The following WASF2 variants were observed in gnomAD, a reference collection of about 807,000 sequenced individuals.
WASF2 encodes WASP family member 2.
Under a neutral mutation model 45.0 loss-of-function variants are expected in WASF2, and 14 were observed. That is an observed-to-expected ratio of 0.31 (90% CI 0.21 to 0.49). The LOEUF (loss-of-function observed/expected upper bound fraction) is 0.49, where lower values mean the gene tolerates loss of function less well. Ranked by LOEUF, WASF2 falls within the 20% of genes least tolerant of loss-of-function variation. The pLI, the probability that WASF2 is intolerant of heterozygous loss-of-function variation, is 0.99. For synonymous variants in WASF2, 200 were observed against 236.3 expected (o/e 0.85, Z 1.41); for missense variants, 439 against 636.1 (o/e 0.69, Z 3.33).
chr1:27,437,158 T>C (rs780677960), intron 1 of WASF2, among the ~76,000 whole-genome samples: 29 of 152,238 alleles, frequency 1.9e-4, no homozygotes, highest in Non-Finnish European at 4.0e-4. Flanking sequence ...GGTCTAATCA[T>C]AGTTTCGTTC....
At chr1:27,462,124 C>A (rs1330358436) in intron 1 of WASF2, among the ~76,000 whole-genome samples, 2 of 151,894 alleles carry the variant, frequency 1.3e-5, no homozygotes, top group Non-Finnish European at 2.9e-5. Context: ...ACTAAAGGCA[C>A]ATGCCACCGT....
At chr1:27,463,231 A>G (rs1027272659) in intron 1 of WASF2, among the ~76,000 whole-genome samples, 5 of 152,220 alleles carry the variant, frequency 3.3e-5, no homozygotes, top group Admixed American at 6.5e-5. Flanking sequence ...AAATCTGTAA[A>G]ATATATTGTG....
At chr1:27,465,038 A>G (rs914330635) in intron 1 of WASF2, among the ~76,000 whole-genome samples, 1 of 152,202 alleles carries the variant, frequency 6.6e-6, no homozygotes, top group African/African-American at 2.4e-5. Flanking sequence ...CGAAAGCAGC[A>G]GGAGAAAAAC....
At position 27,411,106 on chromosome 1, in the gene WASF2, T is replaced by C. The variant is rs759805451; in HGVS notation, c.825-900A>G. On this transcript the variant is annotated intron_variant, in intron 7 of 8. Coordinates refer to ENST00000618852, the MANE Select transcript of WASF2 (RefSeq NM_006990.5). ...GAAGCAGAAGGAGATTTGGGATTAA[T>C]GGTTTCTAGGGCCAAGAAGAATGAG... 3.9e-4 allele frequency among the ~76,000 whole-genome samples: 60 copies of C among 152,200 alleles called. 1 individual carries two copies. Among genetic ancestry groups the C allele is most frequent in the African/African-American group, 9.6e-5 (4 of 41,460 alleles).
chr1:27,477,696 G>A (rs928811304), intron 1 of WASF2, among the ~76,000 whole-genome samples: 2 of 139,282 alleles, frequency 1.4e-5, no homozygotes, highest in East Asian at 2.4e-4. Context: ...TCAGGAGATC[G>A]AGACCATCCC....
chr1:27,479,592 CG>C, intron 1 of WASF2, among the ~76,000 whole-genome samples: 1 of 152,152 alleles, frequency 6.6e-6, no homozygotes, highest in East Asian at 1.9e-4. Context: ...TGGCCTGGCA[CG>C]GTGGCTCACG....
At chr1:27,428,286 T>C (rs1335831929) in intron 2 of WASF2, among the ~76,000 whole-genome samples, 1 of 152,228 alleles carries the variant, frequency 6.6e-6, no homozygotes, top group Non-Finnish European at 1.5e-5. Context: ...ATGTTTGCTT[T>C]ACTCCTCTTT....
chr1:27,463,755 T>C (rs2017579213), intron 1 of WASF2, among the ~76,000 whole-genome samples: 1 of 151,444 alleles, frequency 6.6e-6, no homozygotes, highest in South Asian at 2.1e-4. Context: ...GCTGTCCTGC[T>C]TCTGATCATT....
chr1:27,450,256 A>G (rs1279968138), intron 1 of WASF2, among the ~76,000 whole-genome samples: 1 of 152,252 alleles, frequency 6.6e-6, no homozygotes, highest in African/African-American at 2.4e-5. Context: ...TAAAGAGAGA[A>G]AAATGATAGT....
chr1:27,456,316 T>TGAA (rs1491398791), intron 1 of WASF2, among the ~76,000 whole-genome samples: 15 of 95,342 alleles, frequency 1.6e-4, no homozygotes, highest in African/African-American at 3.7e-4. Context: ...AGCGAGACTC[T>TGAA]AAAAAAAAAA....
chr1:27,435,239 C>T (rs575905302), intron 1 of WASF2, among the ~76,000 whole-genome samples: 1 of 152,234 alleles, frequency 6.6e-6, no homozygotes, highest in Admixed American at 6.5e-5. Context: ...AGCCACCATG[C>T]CCAGCCTATC....
chr1:27,408,820 G>A (rs1261604653), intron 8 of WASF2, among the ~76,000 whole-genome samples: 1 of 151,968 alleles, frequency 6.6e-6, no homozygotes, highest in Non-Finnish European at 1.5e-5. Context: ...GATGATGAAG[G>A]GGGAGGGAAG....
At chr1:27,460,123 T>C (rs1179370119) in intron 1 of WASF2, among the ~76,000 whole-genome samples, 13 of 152,206 alleles carry the variant, frequency 8.5e-5, no homozygotes, top group Admixed American at 7.2e-4. Flanking sequence ...GACAGTAATA[T>C]TTCTCTGCCA....
intron 1 of WASF2, among the ~76,000 whole-genome samples, chr1:27,469,583 C>A (rs1163353231): frequency 6.6e-6 from 1 of 152,146 alleles, no homozygotes. Context: ...GAACCAGTTT[C>A]TGTTTCAGGA....
At chr1:27,429,670 G>A (rs941993789) in intron 1 of WASF2, among the ~76,000 whole-genome samples, 4 of 151,930 alleles carry the variant, frequency 2.6e-5, no homozygotes, top group African/African-American at 9.7e-5. Context: ...CAGTTACTGA[G>A]GAGGCTGAGG....
chr1:27,407,959 T>A lies in WASF2; in HGVS notation c.*230A>T. On this transcript the variant is annotated 3_prime_UTR_variant, in exon 9 of 9. Coordinates refer to ENST00000618852, the MANE Select transcript of WASF2 (RefSeq NM_006990.5). ...AGGCACTTGAAGGAAAGAGGGAACA[T>A]CCCAGCTACTGAACCTCAGGAGCCC... 3 of 464,444 alleles carry A rather than the reference T, an allele frequency of 6.5e-6. No homozygotes were observed. The highest frequency in any genetic ancestry group is 7.6e-6 in the Non-Finnish European group (2 of 262,836). 28.8% of individuals were successfully genotyped at this position (464,444 alleles called of 1,614,324 possible). A position where few individuals can be genotyped will look rare whatever the true frequency, so the allele number is the denominator to read the frequency against.
chr1:27,487,877 T>C (rs1169889052), intron 1 of WASF2, among the ~76,000 whole-genome samples: 1 of 149,360 alleles, frequency 6.7e-6, no homozygotes, highest in African/African-American at 2.5e-5. Flanking sequence ...ATTTACTCAA[T>C]AAAATGCTCT....
intron 3 of WASF2, 138 bp from the exon 4 acceptor site, chr1:27,418,560 C>T (rs567729941): frequency 1.6e-6 from 2 of 1,218,366 alleles, no homozygotes; most frequent in Non-Finnish European, 2.3e-6. Context: ...TTTCCCTCCC[C>T]CTCTGGGGAA....
In WASF2 at chr1:27,408,149, G is replaced by C. The variant is rs2016705157; in HGVS notation, c.*40C>G. 1.3e-6 allele frequency: 2 copies of C among 1,596,490 alleles called. No homozygotes were observed. The highest frequency in any genetic ancestry group is 1.7e-6 in the Non-Finnish European group (2 of 1,168,032). On this transcript the variant is annotated 3_prime_UTR_variant, in exon 9 of 9. Coordinates refer to ENST00000618852, the MANE Select transcript of WASF2 (RefSeq NM_006990.5). ...GGGTTGGCATCAAAGAAGGCAGGTAGGAAGGAAAGAAAAAGAAGGTGGGCA... is the reference window on the plus strand; with the variant it reads ...GGGTTGGCATCAAAGAAGGCAGGTACGAAGGAAAGAAAAAGAAGGTGGGCA...
Sources: allele counts gnomAD v4.1 joint callset (sites outside exome capture counted in the v4.1 genomes callset), GRCh38; gene constraint gnomAD v4.1.1; transcripts MANE v1.5; gene names NCBI Gene and HGNC (gene_info 2026-07-23, HGNC 2026-07-21).